SMAP1: variants seen among roughly 807,000 people sequenced by gnomAD.
SMAP1 encodes the protein small ArfGAP 1.
Under a neutral mutation model 58.5 loss-of-function variants are expected in SMAP1, and 24 were observed. The ratio of observed to expected loss-of-function variants is 0.41; its 90% CI spans 0.30 to 0.58. The LOEUF is 0.58. Ranked by LOEUF, SMAP1 falls within the 20% of genes least tolerant of loss-of-function variation. The pLI is 0.29. For synonymous variants in SMAP1, 216 were observed against 196.6 expected (o/e 1.10, Z -0.82); for missense variants, 563 against 566.3 (o/e 0.99, Z 0.06).
chr6:70,790,304 C>G (rs1417034930), intron 4 of SMAP1, among the ~76,000 whole-genome samples: 1 of 151,988 alleles, frequency 6.6e-6, no homozygotes, highest in African/African-American at 2.4e-5. Context: ...CCACACCTGG[C>G]TAAATTTTTA....
chr6:70,711,688 C>T (rs1479559364), intron 1 of SMAP1, among the ~76,000 whole-genome samples: 4 of 151,826 alleles, frequency 2.6e-5, no homozygotes, highest in Admixed American at 6.6e-5. Flanking sequence ...CCACCATGCC[C>T]GGCTAATTTT....
chr6:70,712,720 G>A (rs753181757), intron 1 of SMAP1, among the ~76,000 whole-genome samples: 68 of 150,316 alleles, frequency 4.5e-4, no homozygotes, highest in Non-Finnish European at 7.6e-4. Flanking sequence ...CAATTTATTG[G>A]CACCTAGTTG....
chr6:70,719,828 C>G (rs1206017837), intron 1 of SMAP1, among the ~76,000 whole-genome samples: 2 of 152,102 alleles, frequency 1.3e-5, no homozygotes, highest in Non-Finnish European at 2.9e-5. Context: ...AGACTAGCCC[C>G]CATGGTTCAA....
At chr6:70,742,680 G>A (rs779289047) in intron 2 of SMAP1, among the ~76,000 whole-genome samples, 5 of 152,030 alleles carry the variant, frequency 3.3e-5, no homozygotes, top group Non-Finnish European at 5.9e-5. Flanking sequence ...CCCCACTCCC[G>A]GTACCAGTTT....
chr6:70,730,083 C>CT (rs1285448664), intron 1 of SMAP1, among the ~76,000 whole-genome samples: 6 of 152,050 alleles, frequency 3.9e-5, no homozygotes, highest in Non-Finnish European at 7.4e-5. Flanking sequence ...CCTGACCCTC[C>CT]TTTTTTTTCT....
intron 1 of SMAP1, among the ~76,000 whole-genome samples, chr6:70,726,135 A>G (rs141289476): frequency 2.0e-5 from 3 of 152,256 alleles, no homozygotes; most frequent in Non-Finnish European, 4.4e-5. Flanking sequence ...GAGTGGTAAT[A>G]TTACCTACTT....
At position 70,823,690 on chromosome 6, in the gene SMAP1, A is replaced by G. The variant is rs1769991282; in HGVS notation, c.577-13251A>G. On this transcript the variant is annotated intron_variant, in intron 6 of 10. Transcript: ENST00000370455. Reference sequence around the variant, plus strand: ...ATAATATATAGATTACTTATAATACATAATACAATGTAAATGTTATGCAGA... The same window carrying G: ...ATAATATATAGATTACTTATAATACGTAATACAATGTAAATGTTATGCAGA... Among the ~76,000 whole-genome samples the G allele has an allele frequency of 2.0e-5, 3 of 152,246 alleles. No homozygotes were observed. In the South Asian group the frequency reaches 6.2e-4, roughly 32 times the overall value.
chr6:70,829,950 T>C (rs994082116), intron 6 of SMAP1, among the ~76,000 whole-genome samples: 12 of 152,206 alleles, frequency 7.9e-5, no homozygotes, highest in Non-Finnish European at 1.6e-4. Context: ...AAATAGTTTT[T>C]TATTCAATTA....
chr6:70,710,657 A>G (rs1401196389), intron 1 of SMAP1, among the ~76,000 whole-genome samples: 3 of 152,122 alleles, frequency 2.0e-5, no homozygotes, highest in Admixed American at 2.0e-4. Flanking sequence ...AACACTGTAC[A>G]CTTAGGCTAG....
rs1396592239 is a variant in SMAP1, at chr6:70,861,236, A to T, written c.*902A>T. ...ACTAACCTTCCAAAAATTACTTAGT[A>T]TTGCAAAGTCAGGAATCATCAGGAA... On this transcript the variant is annotated 3_prime_UTR_variant, in exon 11 of 11. Coordinates refer to ENST00000370455, the MANE Select transcript of SMAP1 (RefSeq NM_001044305.3). 1 of 173,414 alleles carries T rather than the reference A, an allele frequency of 5.8e-6. No homozygotes were observed. Among genetic ancestry groups the T allele is most frequent in the Non-Finnish European group, 1.2e-5 (1 of 80,062 alleles). The allele number at this position is 173,414 out of a possible 1,614,324, so 10.7% of individuals were successfully genotyped here. A position where few individuals can be genotyped will look rare whatever the true frequency, so the allele number is the denominator to read the frequency against.
At chr6:70,793,439 T>C (rs972231361) in intron 5 of SMAP1, among the ~76,000 whole-genome samples, 1 of 152,116 alleles carries the variant, frequency 6.6e-6, no homozygotes, top group African/African-American at 2.4e-5. Flanking sequence ...AGTTTCTATC[T>C]TGAACATCTT....
intron 1 of SMAP1, among the ~76,000 whole-genome samples, chr6:70,693,369 T>C (rs1462296680): frequency 2.0e-5 from 3 of 146,530 alleles, no homozygotes; most frequent in Non-Finnish European, 4.5e-5. Context: ...AGTGGTGCAA[T>C]CTCTGCTCAC....
intron 3 of SMAP1, among the ~76,000 whole-genome samples, chr6:70,766,139 C>CT (rs1451768241): frequency 6.6e-6 from 1 of 152,156 alleles, no homozygotes; most frequent in African/African-American, 2.4e-5. Flanking sequence ...TTAACCCAGT[C>CT]TATCATTGTT....
chr6:70,682,170 ATTTTTTTTTTTTTTTTTTTT>A (rs66981900), intron 1 of SMAP1, among the ~76,000 whole-genome samples: 18 of 95,916 alleles, frequency 1.9e-4, no homozygotes, highest in South Asian at 3.5e-4. Context: ...CTCTGCACAG[ATTTTTTTTTTTTTTTTTTTT>A]TTTTTTTTTT....
intron 1 of SMAP1, among the ~76,000 whole-genome samples, chr6:70,709,982 G>A (rs1383973016): frequency 6.6e-6 from 1 of 151,696 alleles, no homozygotes; most frequent in Non-Finnish European, 1.5e-5. Flanking sequence ...TGAGATATGA[G>A]TCATTAGGTG....
At chr6:70,781,211 T>C (rs1767749752) in intron 4 of SMAP1, among the ~76,000 whole-genome samples, 1 of 152,212 alleles carries the variant, frequency 6.6e-6, no homozygotes, top group African/African-American at 2.4e-5. Flanking sequence ...ATATTTCTTA[T>C]TGACTTGGCC....
chr6:70,809,371 T>TGG (rs1769290245), intron 6 of SMAP1, among the ~76,000 whole-genome samples: 1 of 152,224 alleles, frequency 6.6e-6, no homozygotes, highest in Non-Finnish European at 1.5e-5. Context: ...GTTAATACAA[T>TGG]TTAAAAAATA....
chr6:70,725,519 C>A (rs1448144008), intron 1 of SMAP1, among the ~76,000 whole-genome samples: 1 of 152,094 alleles, frequency 6.6e-6, no homozygotes, highest in African/African-American at 2.4e-5. Flanking sequence ...GCGTAAAGAA[C>A]AAAGGGCCTG....
chr6:70,673,567 T>C (rs1766355169), intron 1 of SMAP1, among the ~76,000 whole-genome samples: 1 of 152,252 alleles, frequency 6.6e-6, no homozygotes. Context: ...TTTTAAAGTG[T>C]AGTAATATTT....
Sources: gnomAD v4.1 joint callset for allele counts (sites outside exome capture counted in the v4.1 genomes callset) on GRCh38, gnomAD v4.1.1 for gene constraint, MANE v1.5 for transcripts, NCBI Gene and HGNC (gene_info 2026-07-23, HGNC 2026-07-21) for gene names.